EPG5: variants seen among roughly 807,000 people sequenced by gnomAD.
EPG5 encodes the protein ectopic P-granules 5 autophagy tethering factor.
EPG5 carries 159 observed loss-of-function variants against 302.7 expected under a neutral mutation model. The ratio of observed to expected loss-of-function variants is 0.53; its 90% CI spans 0.46 to 0.60. The LOEUF (loss-of-function observed/expected upper bound fraction) is 0.60. Among genes scored for constraint, EPG5 ranks in the 20% least tolerant of loss-of-function variants. The probability of loss-of-function intolerance (pLI) is 0.00; values close to 1 mark genes in which losing one functional copy is unlikely to be tolerated. For missense variants in EPG5, 2,896 were observed against 3,092.4 expected (o/e 0.94, Z 1.51); for synonymous variants, 1,158 against 1,136.8 (o/e 1.02, Z -0.37).
the EPG5 span, among the ~76,000 whole-genome samples, chr18:45,827,330 G>A: frequency 6.4e-4 from 98 of 152,302 alleles, no homozygotes; most frequent in Middle Eastern, 0.01. Context: ...AGGTGTGTGG[G>A]GCTTTTGGCT....
Position 45,967,188 on chromosome 18 carries a change from T to A in EPG5, c.52A>T (p.Thr18Ser). The A allele has an allele frequency of 6.2e-7, 1 of 1,604,006 alleles. No homozygotes were observed. The highest frequency in any genetic ancestry group is 8.5e-7 in the Non-Finnish European group (1 of 1,175,406). ...QRRAKAKASR[T>S]KTKEKKKYET... ...GGGGAGATCCTCACCTTTGTTTTAG[T>A]CCGGCTGGCCTTGGCCTTGGCCCGG... Residue 18 changes from threonine to serine, a missense_variant, in exon 1 of 44, where the codon ACT becomes TCT. Thr to Ser is a moderately conservative substitution (Grantham distance 58). Transcript: ENST00000282041.
At chr18:45,857,136 G>A (rs1028814150) in intron 42 of EPG5, among the ~76,000 whole-genome samples, 22 of 151,614 alleles carry the variant, frequency 1.5e-4, no homozygotes, top group African/African-American at 5.3e-4. Flanking sequence ...TTTAGACAGG[G>A]TCTGACTCTG....
chr18:45,933,475 T>C (rs1362714682), intron 11 of EPG5, among the ~76,000 whole-genome samples: 1 of 151,978 alleles, frequency 6.6e-6, no homozygotes, highest in African/African-American at 2.4e-5. Context: ...GGTCAGGAGT[T>C]CAAGACCAGC....
Position 45,939,751 on chromosome 18 carries a change from T to A in EPG5, c.1948A>T (p.Thr650Ser). 1 of 1,613,158 alleles carries A rather than the reference T, an allele frequency of 6.2e-7. No homozygotes were observed. The highest frequency in any genetic ancestry group is 8.5e-7 in the Non-Finnish European group (1 of 1,179,808). The change falls in exon 10 of 44, where the codon ACT becomes TCT. Residue 650 changes from threonine (T) to serine (S), a missense_variant. By Grantham distance (58) the Thr-to-Ser change is moderately conservative. This residue lies in a region of EPG5 where 1,390 missense variants were observed against 1,430.0 expected (regional missense o/e 0.97). Coordinates refer to ENST00000282041, the MANE Select transcript of EPG5 (RefSeq NM_020964.3). ...CAATGGTCACTTACATAACCAAGAG[T>A]CATCCTGAGCATGAGGAAAGATAAT... Reference protein sequence around the residue: ...VKRIGYMIRMTLGYVSDHWAQ... With the variant: ...VKRIGYMIRMSLGYVSDHWAQ...
chr18:45,855,733 T>C, intron 42 of EPG5, 46 bp from the exon 43 acceptor site: 1 of 1,262,602 alleles, frequency 7.9e-7, no homozygotes, highest in East Asian at 2.3e-5. Flanking sequence ...GCTATTAAAG[T>C]AAGCATTTTG....
intron 4 of EPG5, among the ~76,000 whole-genome samples, chr18:45,950,241 A>G (rs1568182902): frequency 6.6e-6 from 1 of 152,220 alleles, no homozygotes; most frequent in Non-Finnish European, 1.5e-5. Flanking sequence ...CATAAACATA[A>G]TAAGATATCT....
intron 28 of EPG5, 39 bp downstream of exon 28, chr18:45,889,759 C>G: frequency 6.4e-7 from 1 of 1,574,782 alleles, no homozygotes; most frequent in Non-Finnish European, 8.6e-7. Context: ...TTCATGATAA[C>G]AAAACAGTAT....
intron 11 of EPG5, 122 bp downstream of exon 11, chr18:45,934,687 T>C (rs2050477301): frequency 1.0e-5 from 11 of 1,098,938 alleles, no homozygotes; most frequent in Non-Finnish European, 1.4e-5. Context: ...TCAAAATCAT[T>C]ACACATGAGT....
At chr18:45,948,438 G>C in intron 6 of EPG5, 65 bp downstream of exon 6, 1 of 1,307,882 alleles carries the variant, frequency 7.6e-7, no homozygotes, top group Non-Finnish European at 1.1e-6. Flanking sequence ...GGCAGTTTCA[G>C]GAGCCAATCC....
intron 30 of EPG5, among the ~76,000 whole-genome samples, chr18:45,883,484 C>T (rs1302474484): frequency 7.7e-6 from 1 of 129,760 alleles, no homozygotes; most frequent in East Asian, 2.4e-4. Flanking sequence ...TTTTTCACAA[C>T]AGGTCTCACT....
intron 42 of EPG5, among the ~76,000 whole-genome samples, chr18:45,857,241 C>T (rs1392617491): frequency 1.3e-5 from 2 of 152,146 alleles, no homozygotes; most frequent in Non-Finnish European, 2.9e-5. Context: ...TCCAGAGTAG[C>T]TGGGACTACA....
chr18:45,858,161 G>C, intron 41 of EPG5, 93 bp from the exon 42 acceptor site: 1 of 912,996 alleles, frequency 1.1e-6, no homozygotes, highest in Non-Finnish European at 1.7e-6. Context: ...AAGGATAGGA[G>C]ACATTCAGTA....
the EPG5 span, chr18:45,840,144 G>C: frequency 1.3e-6 from 2 of 1,576,786 alleles, no homozygotes; most frequent in Admixed American, 1.7e-5. Context: ...GCATGGGTGG[G>C]GGTGGGCGCA....
At chr18:45,896,462 C>A (rs1394585903) in intron 27 of EPG5, among the ~76,000 whole-genome samples, 1 of 152,218 alleles carries the variant, frequency 6.6e-6, no homozygotes, top group Non-Finnish European at 1.5e-5. Context: ...AAATTCTTTA[C>A]GCTTCTGCAA....
rs1238972425 is a variant in EPG5, at chr18:45,922,584, C to T, written c.2855G>A (p.Ser952Asn). 1 of 1,614,078 alleles carries T rather than the reference C, an allele frequency of 6.2e-7. No individual in the cohort carries two copies. The highest frequency in any genetic ancestry group is 1.7e-5 in the Admixed American group (1 of 59,998). Residue 952 changes from serine to asparagine, a missense_variant, in exon 16 of 44, where the codon AGT becomes AAT. This residue lies in a region of EPG5 where 1,390 missense variants were observed against 1,430.0 expected (regional missense o/e 0.97). Transcript: ENST00000282041. ...ESMKQVSYLA[S>N]IVRYGETPET... is the part of the protein sequence containing the mutation. ...GGGTGTCTCTCCATATCGAACAATACTGGCCAAATATGAAACCTAAAACAA... is the reference window on the plus strand; with the variant it reads ...GGGTGTCTCTCCATATCGAACAATATTGGCCAAATATGAAACCTAAAACAA...
In EPG5 at chr18:45,967,253, G is replaced by A; in HGVS notation, c.-14C>T. The A allele has an allele frequency of 2.6e-5, 41 of 1,583,028 alleles. No homozygotes were observed. Among genetic ancestry groups the A allele is most frequent in the Non-Finnish European group, 3.5e-5 (41 of 1,164,882 alleles). On this transcript the variant is annotated 5_prime_UTR_variant, in exon 1 of 44. Transcript: ENST00000282041. ...CGCCTCGGCCATAGACCCTTCCGCG[G>A]CGCCGTCACCGTTTGTTTTTGTCAA...
At chr18:45,922,195 G>T in intron 16 of EPG5, 146 bp downstream of exon 16, 1 of 1,004,734 alleles carries the variant, frequency 1.0e-6, no homozygotes, top group Non-Finnish European at 1.4e-6. Flanking sequence ...ATCTCCCCTT[G>T]ATAAGCTGTT....
At chr18:45,913,959 T>C (rs1228443070) in intron 20 of EPG5, 131 bp from the exon 21 acceptor site, 1 of 1,104,334 alleles carries the variant, frequency 9.1e-7, no homozygotes, top group Non-Finnish European at 1.3e-6. Context: ...GTTTCTAAAA[T>C]TAACACCTTT....
chr18:45,951,318 A>G (rs145712095), intron 3 of EPG5, 80 bp from the exon 4 acceptor site: 144 of 1,028,718 alleles, frequency 1.4e-4, no homozygotes, highest in Non-Finnish European at 1.7e-4. Context: ...TTAAACCAAT[A>G]ACAACAAAAA....
Sources: allele counts gnomAD v4.1 joint callset (sites outside exome capture counted in the v4.1 genomes callset), GRCh38; gene constraint gnomAD v4.1.1; regional missense constraint gnomAD v4.1.1; transcripts MANE v1.5; gene names NCBI Gene and HGNC (gene_info 2026-07-23, HGNC 2026-07-21).